The following NRG1 variants were observed in gnomAD, a reference collection of about 807,000 sequenced individuals.
NRG1 encodes the protein neuregulin 1.
NRG1 carries 18 observed loss-of-function variants against 63.8 expected under a neutral mutation model. The ratio of observed to expected loss-of-function variants is 0.28; its 90% CI spans 0.19 to 0.42. The LOEUF (loss-of-function observed/expected upper bound fraction) is 0.42, where lower values mean the gene tolerates loss of function less well. NRG1 is among the 10% of genes least tolerant of loss of function. The pLI is 1.00. For missense variants in NRG1, 762 were observed against 814.7 expected (o/e 0.94, Z 0.79); for synonymous variants, 302 against 301.3 (o/e 1.00, Z -0.02).
At chr8:31,836,005 G>T (rs1825660528) in intron 1 of NRG1, among the ~76,000 whole-genome samples, 1 of 152,160 alleles carries the variant, frequency 6.6e-6, no homozygotes, top group East Asian at 1.9e-4. Flanking sequence ...TACCCACATG[G>T]CTGGTGGCTA....
intron 5 of NRG1, among the ~76,000 whole-genome samples, chr8:32,696,970 C>G (rs1813519625): frequency 6.6e-6 from 1 of 152,112 alleles, no homozygotes; most frequent in Non-Finnish European, 1.5e-5. Flanking sequence ...CCAAAGTAAT[C>G]TATCTTTAAA....
intron 1 of NRG1, among the ~76,000 whole-genome samples, chr8:32,091,927 C>T (rs1829217373): frequency 1.3e-5 from 2 of 152,054 alleles, no homozygotes. Flanking sequence ...TCTGATGTGT[C>T]TGCTTGTCCC....
At chr8:32,303,084 A>C (rs1855767188) in intron 1 of NRG1, among the ~76,000 whole-genome samples, 1 of 147,094 alleles carries the variant, frequency 6.8e-6, no homozygotes, top group South Asian at 2.2e-4. Flanking sequence ...CAGAAGGCTG[A>C]GGCAGGAGAA....
At chr8:32,161,978 A>G (rs1470625260) in intron 1 of NRG1, among the ~76,000 whole-genome samples, 1 of 152,220 alleles carries the variant, frequency 6.6e-6, no homozygotes, top group Admixed American at 6.5e-5. Context: ...GTGCTCAGGA[A>G]GAGGAAATAG....
chr8:31,988,097 C>G (rs1034166711), intron 1 of NRG1, among the ~76,000 whole-genome samples: 1 of 152,138 alleles, frequency 6.6e-6, no homozygotes, highest in African/African-American at 2.4e-5. Flanking sequence ...CACTCACACC[C>G]TTTTGTCCAG....
chr8:32,238,607 G>A (rs1400978705), intron 1 of NRG1, among the ~76,000 whole-genome samples: 5 of 152,086 alleles, frequency 3.3e-5, no homozygotes, highest in East Asian at 3.9e-4. Context: ...AGTCTTCAGG[G>A]CAGCAGTAAT....
At chr8:32,409,584 C>T (rs1304746280) in intron 1 of NRG1, among the ~76,000 whole-genome samples, 1 of 152,182 alleles carries the variant, frequency 6.6e-6, no homozygotes, top group African/African-American at 2.4e-5. Context: ...CATGAGCCAA[C>T]ACCCAGGATT....
intron 1 of NRG1, among the ~76,000 whole-genome samples, chr8:31,953,805 G>A (rs1803884238): frequency 6.6e-6 from 1 of 152,132 alleles, no homozygotes; most frequent in African/African-American, 2.4e-5. Context: ...ACTTCAAAAA[G>A]TTGAACATCA....
At position 31,699,712 on chromosome 8, in the gene NRG1, A is replaced by T. The variant is rs28464699; in HGVS notation, c.37+60281A>T. Among the ~76,000 whole-genome samples the T allele has an allele frequency of 5.3e-3, 509 of 96,086 alleles. 1 individual carries two copies. Among genetic ancestry groups the T allele is most frequent in the Middle Eastern group, 0.014 (3 of 220 alleles). The allele number at this position is 96,086 out of a possible 152,430, so 63.0% of individuals were successfully genotyped here. ...TTATGCTTTTTTCCTTCCTTTTTTTAAAAAAAAAATTTTTCACCTTTTAAT... is the reference window on the plus strand; with the variant it reads ...TTATGCTTTTTTCCTTCCTTTTTTTTAAAAAAAAATTTTTCACCTTTTAAT... On this transcript the variant is annotated intron_variant, in intron 1 of 10. Transcript: ENST00000519301.
At chr8:32,010,527 C>CT (rs1183305107) in intron 1 of NRG1, among the ~76,000 whole-genome samples, 1 of 152,006 alleles carries the variant, frequency 6.6e-6, no homozygotes, top group East Asian at 1.9e-4. Context: ...TGGTACATTA[C>CT]TTTTTTTTAA....
At chr8:31,875,124 G>A (rs1273695377) in intron 1 of NRG1, among the ~76,000 whole-genome samples, 1 of 152,108 alleles carries the variant, frequency 6.6e-6, no homozygotes, top group East Asian at 1.9e-4. Flanking sequence ...AGAGCCTAGT[G>A]TAGAGGGAGA....
chr8:32,356,344 AAAC>A (rs1193442576), intron 1 of NRG1, among the ~76,000 whole-genome samples: 5 of 152,168 alleles, frequency 3.3e-5, no homozygotes, highest in African/African-American at 1.2e-4. Flanking sequence ...TAAAATCATG[AAAC>A]ATCATCCTAA....
At chr8:32,486,152 A>G (rs756216441) in intron 1 of NRG1, among the ~76,000 whole-genome samples, 8 of 151,908 alleles carry the variant, frequency 5.3e-5, no homozygotes, top group Admixed American at 1.3e-4. Context: ...GGCTGGTCTC[A>G]AACTCCTGAC....
intron 1 of NRG1, among the ~76,000 whole-genome samples, chr8:32,327,955 G>T (rs1343339922): frequency 2.6e-5 from 4 of 152,196 alleles, no homozygotes; most frequent in Non-Finnish European, 5.9e-5. Flanking sequence ...AGGGCAGAAA[G>T]TAATATGATA....
intron 1 of NRG1, among the ~76,000 whole-genome samples, chr8:32,230,026 C>T (rs1294879890): frequency 6.6e-6 from 1 of 152,086 alleles, no homozygotes; most frequent in African/African-American, 2.4e-5. Context: ...TAAAAGTTTT[C>T]ACACCTTGCC....
exon 12 of NRG1, chr8:32,764,565 C>A: frequency 1.7e-6 from 1 of 580,706 alleles, no homozygotes; most frequent in Non-Finnish European, 2.7e-6. Flanking sequence ...GTGTTATGTG[C>A]CATATGTAGC....
intron 5 of NRG1, among the ~76,000 whole-genome samples, chr8:32,682,949 C>T (rs1407332529): frequency 6.6e-6 from 1 of 152,058 alleles, no homozygotes; most frequent in Non-Finnish European, 1.5e-5. Context: ...ACTATACTTA[C>T]AGTATAATTT....
chr8:31,906,772 T>TA (rs1195465871), intron 1 of NRG1, among the ~76,000 whole-genome samples: 2 of 152,198 alleles, frequency 1.3e-5, no homozygotes, highest in East Asian at 1.9e-4. Context: ...GCCGTGTTTT[T>TA]AAAAAATCAC....
intron 1 of NRG1, among the ~76,000 whole-genome samples, chr8:31,795,376 T>C (rs944308499): frequency 6.6e-6 from 1 of 152,158 alleles, no homozygotes; most frequent in Non-Finnish European, 1.5e-5. Flanking sequence ...CATTCTGTTC[T>C]TATTGGAAGT....
Sources: gnomAD v4.1 joint callset for allele counts (sites outside exome capture counted in the v4.1 genomes callset) on GRCh38, gnomAD v4.1.1 for gene constraint, MANE v1.5 for transcripts, NCBI Gene and HGNC (gene_info 2026-07-23, HGNC 2026-07-21) for gene names.